The following CDYL variants were observed in gnomAD, a reference collection of about 807,000 sequenced individuals.
CDYL encodes chromodomain Y-like protein.
In CDYL, 8 loss-of-function variants were observed where a neutral mutation model predicts 47.3. That is an observed-to-expected ratio of 0.17 (90% confidence interval 0.10 to 0.31). CDYL has a LOEUF of 0.31. Among genes scored for constraint, CDYL ranks in the 10% least tolerant of loss-of-function variants. The pLI is 1.00. For missense variants in CDYL, 471 were observed against 701.4 expected (o/e 0.67, Z 3.71); for synonymous variants, 266 against 265.0 (o/e 1.00, Z -0.04).
chr6:4,921,075 A>G (rs1013661934), intron 2 of CDYL, among the ~76,000 whole-genome samples: 22 of 152,034 alleles, frequency 1.4e-4, no homozygotes, highest in Non-Finnish European at 4.4e-5. Context: ...CCTCTGGAAA[A>G]TGGTGGTCTT....
intron 1 of CDYL, among the ~76,000 whole-genome samples, chr6:4,804,723 C>A (rs1173946884): frequency 6.6e-6 from 1 of 152,202 alleles, no homozygotes; most frequent in Non-Finnish European, 1.5e-5. Flanking sequence ...CCGTCTGGGT[C>A]CATTCTCCTA....
chr6:4,842,061 A>G (rs1458732224), intron 1 of CDYL, among the ~76,000 whole-genome samples: 1 of 144,160 alleles, frequency 6.9e-6, no homozygotes, highest in Non-Finnish European at 1.5e-5. Context: ...ATTAATATTC[A>G]TATTTATTTA....
At chr6:4,896,903 T>G (rs1337040654) in intron 2 of CDYL, among the ~76,000 whole-genome samples, 2 of 152,318 alleles carry the variant, frequency 1.3e-5, no homozygotes, top group African/African-American at 4.8e-5. Flanking sequence ...GAATGAATGT[T>G]TCTGGAGTAT....
At chr6:4,835,015 T>C (rs998261267) in intron 1 of CDYL, among the ~76,000 whole-genome samples, 36 of 152,194 alleles carry the variant, frequency 2.4e-4, no homozygotes, top group African/African-American at 6.8e-4. Flanking sequence ...TGCCTTTGGT[T>C]TGAATTTCCT....
chr6:4,823,531 C>T (rs138279218), intron 1 of CDYL, among the ~76,000 whole-genome samples: 1 of 152,198 alleles, frequency 6.6e-6, no homozygotes, highest in East Asian at 1.9e-4. Context: ...AATTCCCTGA[C>T]GTTAATCACA....
intron 5 of CDYL, among the ~76,000 whole-genome samples, chr6:4,951,519 A>G (rs1384136286): frequency 2.0e-5 from 3 of 151,964 alleles, no homozygotes; most frequent in African/African-American, 7.3e-5. Flanking sequence ...ATATATACAC[A>G]TATATATTCT....
At chr6:4,802,033 C>G (rs997442807) in intron 1 of CDYL, among the ~76,000 whole-genome samples, 2 of 152,080 alleles carry the variant, frequency 1.3e-5, no homozygotes, top group African/African-American at 4.8e-5. Context: ...AGCTGCTTCC[C>G]CAATTCCAGA....
intron 2 of CDYL, among the ~76,000 whole-genome samples, chr6:4,930,933 C>T (rs538074342): frequency 4.6e-5 from 7 of 152,302 alleles, no homozygotes; most frequent in East Asian, 1.9e-4. Context: ...CCAGGGGAGT[C>T]GCACTAATTT....
At chr6:4,713,099 C>A (rs1232310146) in intron 1 of CDYL, among the ~76,000 whole-genome samples, 1 of 152,184 alleles carries the variant, frequency 6.6e-6, no homozygotes, top group Non-Finnish European at 1.5e-5. Context: ...GAGCCGTGAC[C>A]ACATGAGGGG....
chr6:4,831,898 A>G (rs944949705), intron 1 of CDYL, among the ~76,000 whole-genome samples: 2 of 151,900 alleles, frequency 1.3e-5, no homozygotes, highest in Non-Finnish European at 2.9e-5. Flanking sequence ...GTGTATAAGA[A>G]TGCTTGTGAT....
chr6:4,842,949 T>C (rs1760545620), intron 1 of CDYL, among the ~76,000 whole-genome samples: 1 of 152,206 alleles, frequency 6.6e-6, no homozygotes, highest in Non-Finnish European at 1.5e-5. Context: ...TTTAGCAGTT[T>C]TTGTTTCAAG....
intron 1 of CDYL, among the ~76,000 whole-genome samples, chr6:4,819,116 T>TTCTCTCTCTC (rs373718294): frequency 0.028 from 2,176 of 76,456 alleles, 75 homozygotes; most frequent in East Asian, 0.065. Flanking sequence ...TTTAGGTTCG[T>TTCTCTCTCTC]TCTCTCTCTC....
intron 2 of CDYL, among the ~76,000 whole-genome samples, chr6:4,910,933 A>C (rs1459005341): frequency 6.6e-6 from 1 of 151,650 alleles, no homozygotes; most frequent in African/African-American, 2.4e-5. Context: ...TCCCAGGTTC[A>C]CGCCATTCTC....
chr6:4,707,018 CAG>C (rs1206442756), intron 1 of CDYL, among the ~76,000 whole-genome samples: 6 of 152,246 alleles, frequency 3.9e-5, no homozygotes, highest in African/African-American at 1.4e-4. Flanking sequence ...GAAGATAAAA[CAG>C]AGGCACCAAC....
chr6:4,731,741 G>A (rs1757608573), intron 2 of CDYL, among the ~76,000 whole-genome samples: 1 of 152,018 alleles, frequency 6.6e-6, no homozygotes, highest in Non-Finnish European at 1.5e-5. Flanking sequence ...AGAGGTTGCA[G>A]TGAGCCGAGA....
chr6:4,743,660 TCTC>T (rs548717392), intron 3 of CDYL, among the ~76,000 whole-genome samples: 36 of 152,348 alleles, frequency 2.4e-4, no homozygotes, highest in African/African-American at 7.7e-4. Flanking sequence ...TGTCTGATCT[TCTC>T]CACTAAGCCA....
At position 4,863,370 on chromosome 6, in the gene CDYL, A is replaced by G. The variant is rs368076157; in HGVS notation, c.25-28343A>G. Among the ~76,000 whole-genome samples the G allele has an allele frequency of 2.6e-5, 4 of 152,324 alleles. No individual in the cohort carries two copies. The East Asian group carries it at 5.8e-4, about 22-fold the overall frequency. On this transcript the variant is annotated intron_variant, in intron 1 of 6. Transcript: ENST00000397588. ...AATCCAAAATCATTAAATTATTTTT[A>G]AAAAGACTACCTCTTCCCCTTCTTT...
At chr6:4,788,008 C>T (rs1424142944) in intron 1 of CDYL, among the ~76,000 whole-genome samples, 1 of 151,522 alleles carries the variant, frequency 6.6e-6, no homozygotes, top group African/African-American at 2.4e-5. Flanking sequence ...CTGACCTCAA[C>T]TGATCTGCCC....
At chr6:4,740,157 C>G (rs545582253) in intron 3 of CDYL, among the ~76,000 whole-genome samples, 21 of 152,274 alleles carry the variant, frequency 1.4e-4, no homozygotes, top group South Asian at 4.1e-4. Flanking sequence ...TTGAAGTTAT[C>G]TATCAAGAAC....
Sources: gnomAD v4.1 joint callset for allele counts (sites outside exome capture counted in the v4.1 genomes callset) on GRCh38, gnomAD v4.1.1 for gene constraint, MANE v1.5 for transcripts, NCBI Gene and HGNC (gene_info 2026-07-23, HGNC 2026-07-21) for gene names.